Variants in CHRM5 observed in about 807,000 individuals in gnomAD.
CHRM5 encodes muscarinic acetylcholine receptor M5.
A neutral mutation model predicts 39.0 loss-of-function variants in CHRM5; 18 were observed. That is an observed-to-expected ratio of 0.46 (90% CI 0.32 to 0.68). CHRM5 has a LOEUF of 0.68. Ranked by LOEUF, CHRM5 falls within the 30% of genes least tolerant of loss-of-function variation. The pLI is 0.04. For missense variants in CHRM5, 515 were observed against 651.1 expected, an observed-to-expected ratio of 0.79 and a Z score of 2.28; for synonymous variants, 241 against 246.3, an observed-to-expected ratio of 0.98 and a Z score of 0.20.
chr15:34,006,353 G>T (rs1299672665), intron 1 of CHRM5, among the ~76,000 whole-genome samples: 1 of 152,074 alleles, frequency 6.6e-6, no homozygotes, highest in African/African-American at 2.4e-5. Flanking sequence ...GAATTTGCGG[G>T]ACAGAACTAG....
chr15:33,982,999 G>A lies in CHRM5; in HGVS notation c.-408+13849G>A, dbSNP rs536377216. ...TTTTGAAAGACTGCACCTCTTAACT[G>A]CATGGACCATGACTGTCTCTTGCAC... On this transcript the variant is annotated intron_variant, in intron 1 of 2. Coordinates refer to ENST00000383263, the MANE Select transcript of CHRM5 (RefSeq NM_012125.4). Among the ~76,000 whole-genome samples, 166 of 146,608 alleles carry A rather than the reference G, an allele frequency of 1.1e-3. 1 individual carries two copies. The highest frequency in any genetic ancestry group is 4.2e-3 in the African/African-American group (163 of 38,368).
intron 2 of CHRM5, among the ~76,000 whole-genome samples, chr15:34,053,319 A>AAATATATATATATAT (rs775436850): frequency 5.2e-4 from 22 of 42,068 alleles, no homozygotes; most frequent in African/African-American, 1.7e-3. Context: ...AAAAAAAAAA[A>AAATATATATATATAT]ATATATATAT....
chr15:33,981,047 T>A lies in CHRM5; in HGVS notation c.-408+11897T>A, dbSNP rs1896117848. Among the ~76,000 whole-genome samples, 3 of 151,518 alleles carry A rather than the reference T, an allele frequency of 2.0e-5. No homozygotes were observed. In the South Asian group the frequency reaches 6.3e-4, roughly 32 times the overall value. On this transcript the variant is annotated intron_variant, in intron 1 of 2. Coordinates refer to ENST00000383263, the MANE Select transcript of CHRM5 (RefSeq NM_012125.4). ...TGTGACTTGCTGAGGTCACACTGAG[T>A]TTTTATATAAACATACAATCACAAC...
In CHRM5 at chr15:34,062,734, A is replaced by G. The variant is rs769513293; in HGVS notation, c.17A>G (p.Tyr6Cys). MEGDS[Y>C]HNATTVNGTP... ...TGCACCAGGATGGAAGGGGATTCTT[A>G]CCACAATGCAACCACCGTCAATGGC... is the stretch of plus-strand genomic sequence containing the variant. Residue 6 changes from tyrosine (Y) to cysteine (C), a missense_variant, in exon 3 of 3, where the codon TAC becomes TGC. Physicochemically the swap from Tyr to Cys is radical, Grantham distance 194. Transcript: ENST00000383263. The G allele has an allele frequency of 6.2e-7, 1 of 1,611,022 alleles. No individual in the cohort carries two copies. Among genetic ancestry groups the G allele is most frequent in the Non-Finnish European group, 8.5e-7 (1 of 1,177,932 alleles).
At chr15:33,995,381 AGTGATTTAAAG>A (rs1896891376) in intron 1 of CHRM5, among the ~76,000 whole-genome samples, 1 of 152,248 alleles carries the variant, frequency 6.6e-6, no homozygotes, top group South Asian at 2.1e-4. Context: ...AGATATTATA[AGTGATTTAAAG>A]ATGATTTAAA....
chr15:34,031,473 A>C (rs2684935), intron 1 of CHRM5, among the ~76,000 whole-genome samples: 148,561 of 152,270 alleles, frequency 0.98, 72,581 homozygotes, highest in East Asian at 1. Flanking sequence ...CCATGCCCAG[A>C]CTGCTTAGGT....
intron 1 of CHRM5, among the ~76,000 whole-genome samples, chr15:33,996,790 G>A (rs558290882): frequency 1.4e-4 from 22 of 152,292 alleles, no homozygotes; most frequent in South Asian, 1.0e-3. Context: ...AAACCAGAGC[G>A]CCTCTTGTCC....
chr15:34,059,885 C>G (rs188555008), intron 2 of CHRM5, among the ~76,000 whole-genome samples: 2 of 152,202 alleles, frequency 1.3e-5, no homozygotes, highest in Non-Finnish European at 2.9e-5. Flanking sequence ...ACATTCCCAA[C>G]TAGTGTCTAA....
intron 1 of CHRM5, among the ~76,000 whole-genome samples, chr15:33,972,857 C>T (rs140327328): frequency 1.3e-5 from 2 of 152,284 alleles, no homozygotes; most frequent in East Asian, 3.9e-4. Flanking sequence ...CCCTCCTAGA[C>T]TCAGAGCCTA....
rs181134877 is a variant in CHRM5 at position 34,008,153 on chromosome 15, G to T, written c.-407-38387G>T. Among the ~76,000 whole-genome samples the T allele has an allele frequency of 1.4e-4, 22 of 152,216 alleles. 1 individual carries two copies. On this transcript the variant is annotated intron_variant, in intron 1 of 2. Coordinates refer to ENST00000383263, the MANE Select transcript of CHRM5 (RefSeq NM_012125.4). ...AATAATGGGTGGGCCTGGCACCATG[G>T]CTCACTTCTGTAATCCCAGCACTTT...
In CHRM5 at chr15:34,021,531, G is replaced by A. The variant is rs529932646; in HGVS notation, c.-407-25009G>A. 9.9e-4 allele frequency among the ~76,000 whole-genome samples: 150 copies of A among 152,146 alleles called. 1 individual carries two copies. The highest frequency in any genetic ancestry group is 3.3e-3 in the African/African-American group (137 of 41,520). ...AACTCCTGACCTCAGGTGAGCCACC[G>A]CGCCTGGCTTATTTTCTGTATCTTT... On this transcript the variant is annotated intron_variant, in intron 1 of 2. Coordinates refer to ENST00000383263, the MANE Select transcript of CHRM5 (RefSeq NM_012125.4).
chr15:34,051,970 G>T (rs1899938214), intron 2 of CHRM5, among the ~76,000 whole-genome samples: 1 of 152,076 alleles, frequency 6.6e-6, no homozygotes, highest in Admixed American at 6.5e-5. Context: ...AATTGAAAAG[G>T]AGGGACTCCT....
chr15:34,004,461 G>T (rs1897256051), intron 1 of CHRM5, among the ~76,000 whole-genome samples: 1 of 152,148 alleles, frequency 6.6e-6, no homozygotes, highest in South Asian at 2.1e-4. Flanking sequence ...GAACTTATTT[G>T]TACTGATTTG....
intron 1 of CHRM5, among the ~76,000 whole-genome samples, chr15:33,985,672 T>C (rs1050883056): frequency 6.6e-6 from 1 of 152,028 alleles, no homozygotes; most frequent in Non-Finnish European, 1.5e-5. Flanking sequence ...CCTCAGCACC[T>C]GACATGATGC....
chr15:33,985,934 C>T (rs1333424873), intron 1 of CHRM5, among the ~76,000 whole-genome samples: 1 of 152,100 alleles, frequency 6.6e-6, no homozygotes, highest in African/African-American at 2.4e-5. Context: ...GGCAGAATGC[C>T]AGAAAGCCCA....
In CHRM5 at chr15:34,063,614, G is replaced by C. The variant is rs1900423982; in HGVS notation, c.897G>C (p.Gln299His). The C allele has an allele frequency of 6.2e-7, 1 of 1,613,844 alleles. No individual in the cohort carries two copies. Among genetic ancestry groups the C allele is most frequent in the Admixed American group, 1.7e-5 (1 of 60,002 alleles). ...GCGCCAATTGGGCCAAAGCTGAGCA[G>C]CTCACCACCTGTAGCAGCTACCCTT... ...GPSANWAKAE[Q>H]LTTCSSYPSS... Residue 299 changes from glutamine (Q) to histidine (H), a missense_variant, in exon 3 of 3, where the codon CAG (glutamine) becomes CAC (histidine). Gln to His is a conservative substitution (Grantham distance 24). Transcript: ENST00000383263. The surrounding 1 kb of genome is among the most constrained non-coding windows in gnomAD (Gnocchi z 4.1).
Position 34,063,077 on chromosome 15 carries a change from C to G in CHRM5, c.360C>G (p.Asn120Lys). 6.2e-7 allele frequency: 1 copy of G among 1,614,154 alleles called. No homozygotes were observed. The highest frequency in any genetic ancestry group is 1.7e-5 in the Admixed American group (1 of 60,020). ...DYVASNASVM[N>K]LLVISFDRYF... ...TGGCCAGCAACGCTTCTGTCATGAA[C>G]CTTCTGGTGATCAGTTTTGACCGTT... The change falls in exon 3 of 3, where the codon AAC becomes AAG. Residue 120 changes from asparagine (N) to lysine (K), a missense_variant. Transcript: ENST00000383263. This position sits in a 1 kb window ranked among gnomAD's most constrained non-coding sequence, Gnocchi z 4.1.
rs139675687 is a variant in CHRM5, at chr15:34,063,431, A to G, written c.714A>G (p.Lys238=). ...ADLQGSDSVT[K]AEKRKPAHRA... ...TCCAGGGTTCTGACTCTGTGACCAA[A>G]GCTGAGAAGAGAAAGCCAGCTCATA... Residue 238 remains lysine, a synonymous_variant, in exon 3 of 3, where the codon AAA becomes AAG. Transcript: ENST00000383263. The surrounding 1 kb of genome is among the most constrained non-coding windows in gnomAD (Gnocchi z 4.1). The G allele has an allele frequency of 5.6e-6, 9 of 1,613,946 alleles. No individual in the cohort carries two copies. In the African/African-American group the frequency reaches 1.2e-4, roughly 22 times the overall value.
intron 1 of CHRM5, among the ~76,000 whole-genome samples, chr15:33,995,199 G>C (rs1411722511): frequency 1.3e-5 from 2 of 152,154 alleles, no homozygotes; most frequent in Non-Finnish European, 2.9e-5. Context: ...AGGAGGTCAA[G>C]GCTGCAGTGA....
Sources: gnomAD v4.1 joint callset for allele counts (sites outside exome capture counted in the v4.1 genomes callset) on GRCh38, gnomAD v4.1.1 for gene constraint, Gnocchi (gnomAD v3.1) non-coding constraint, MANE v1.5 for transcripts, NCBI Gene and HGNC (gene_info 2026-07-23, HGNC 2026-07-21) for gene names.